Variants in GCNT2 observed in about 807,000 individuals in gnomAD.
The protein encoded by GCNT2 is N-acetyllactosaminide beta-1,6-N-acetylglucosaminyl-transferase.
Under a neutral mutation model 34.2 loss-of-function variants are expected in GCNT2, and 34 were observed. The observed-to-expected ratio is 1.00, with a 90% CI of 0.76 to 1.32. The LOEUF (loss-of-function observed/expected upper bound fraction) is 1.32, where lower values mean the gene tolerates loss of function less well. Among genes scored for constraint, GCNT2 ranks in the 40% most tolerant of loss-of-function variants. GCNT2 has a pLI of 0.00. For missense variants in GCNT2, 584 were observed against 489.4 expected (o/e 1.19, Z -1.82); for synonymous variants, 212 against 188.0 (o/e 1.13, Z -1.04).
intron 3 of GCNT2, among the ~76,000 whole-genome samples, chr6:10,606,542 T>C (rs911973262): frequency 1.3e-5 from 2 of 151,562 alleles, no homozygotes; most frequent in African/African-American, 4.9e-5. Context: ...AAGCAAGATA[T>C]TTATTGGGAT....
chr6:10,523,431 GA>G (rs34628756), intron 1 of GCNT2, among the ~76,000 whole-genome samples: 57,542 of 122,576 alleles, frequency 0.47, 11,650 homozygotes, highest in South Asian at 0.65. Flanking sequence ...CGTCTCAAAA[GA>G]AAAAAAAAAA....
At chr6:10,534,726 GGT>G (rs1431247097) in intron 3 of GCNT2, among the ~76,000 whole-genome samples, 1 of 152,150 alleles carries the variant, frequency 6.6e-6, no homozygotes, top group African/African-American at 2.4e-5. Context: ...AGTCAGGCGT[GGT>G]GGCATGCACT....
intron 3 of GCNT2, chr6:10,556,700 T>C (rs779623226): frequency 6.2e-7 from 1 of 1,614,206 alleles, no homozygotes; most frequent in South Asian, 1.1e-5. Context: ...AGAAGCTGAC[T>C]TTCCCTTGGC....
chr6:10,530,111 C>T (rs950629495), intron 3 of GCNT2: 11 of 355,912 alleles, frequency 3.1e-5, no homozygotes, highest in Non-Finnish European at 5.2e-5. Context: ...CCTGTAATCA[C>T]AGCACTTTGG....
At chr6:10,582,583 C>T (rs146556471) in intron 3 of GCNT2, among the ~76,000 whole-genome samples, 1,927 of 115,142 alleles carry the variant, frequency 0.017, 57 homozygotes, top group African/African-American at 0.053. Flanking sequence ...TATATATAAA[C>T]TATATATAAA....
intron 3 of GCNT2, chr6:10,585,998 T>C (rs757639722): frequency 1.9e-6 from 3 of 1,613,956 alleles, no homozygotes; most frequent in East Asian, 2.2e-5. Flanking sequence ...TAATGAACTT[T>C]TGGAGGTACT....
intron 3 of GCNT2, chr6:10,573,195 A>G (rs1206381861): frequency 3.1e-6 from 3 of 983,334 alleles, no homozygotes; most frequent in Non-Finnish European, 3.6e-6. Context: ...GGATTGTCAA[A>G]TAGTGTCTCT....
chr6:10,590,463 C>T (rs1465535218), intron 3 of GCNT2, among the ~76,000 whole-genome samples: 1 of 151,986 alleles, frequency 6.6e-6, no homozygotes, highest in East Asian at 1.9e-4. Context: ...CCTGGCCCCC[C>T]ACACCCTCTG....
chr6:10,609,263 T>C (rs1765452001), intron 3 of GCNT2, among the ~76,000 whole-genome samples: 1 of 152,182 alleles, frequency 6.6e-6, no homozygotes, highest in African/African-American at 2.4e-5. Flanking sequence ...CAGTGGCATC[T>C]GGTGAAGGCG....
intron 3 of GCNT2, among the ~76,000 whole-genome samples, chr6:10,560,812 A>G (rs1463262454): frequency 1.3e-5 from 2 of 151,818 alleles, no homozygotes; most frequent in Non-Finnish European, 2.9e-5. Flanking sequence ...CTCTCTCTAC[A>G]CTGTTAGAAA....
chr6:10,542,008 A>G (rs1762055704), intron 3 of GCNT2, among the ~76,000 whole-genome samples: 1 of 152,296 alleles, frequency 6.6e-6, no homozygotes. Flanking sequence ...GCCTCAACCA[A>G]CACAAAGCTT....
intron 3 of GCNT2, among the ~76,000 whole-genome samples, chr6:10,531,055 A>T (rs1220995994): frequency 6.6e-6 from 1 of 152,060 alleles, no homozygotes; most frequent in Admixed American, 6.6e-5. Flanking sequence ...AAAAAAAAAA[A>T]AAGATTTCTA....
At chr6:10,620,114 G>A (rs976743789) in intron 3 of GCNT2, among the ~76,000 whole-genome samples, 4 of 152,198 alleles carry the variant, frequency 2.6e-5, no homozygotes, top group Non-Finnish European at 5.9e-5. Flanking sequence ...CATATTCTCA[G>A]GTTCCAGGGA....
chr6:10,531,724 C>T lies in GCNT2; in HGVS notation c.925+1888C>T, dbSNP rs115385750. Among the ~76,000 whole-genome samples the T allele has an allele frequency of 7.6e-3, 1,156 of 152,132 alleles. 20 individuals carry two copies. Among genetic ancestry groups the T allele is most frequent in the African/African-American group, 0.026 (1,086 of 41,474 alleles). On this transcript the variant is annotated intron_variant, in intron 3 of 4. Transcript: ENST00000495262. ...AGCTGTTTAAATAGAATTGTAGTGT[C>T]CAGAGTAAGGGAAGTGAAAGCCTCA...
At chr6:10,522,829 C>T (rs1015510505) in intron 1 of GCNT2, among the ~76,000 whole-genome samples, 3 of 152,138 alleles carry the variant, frequency 2.0e-5, no homozygotes, top group Non-Finnish European at 4.4e-5. Context: ...GCCTCGGGCA[C>T]GGAGATTGGG....
chr6:10,588,739 A>G (rs1482943036), intron 3 of GCNT2, among the ~76,000 whole-genome samples: 1 of 148,432 alleles, frequency 6.7e-6, no homozygotes. Flanking sequence ...TGGTGTCCCA[A>G]TATGCTTGTG....
intron 3 of GCNT2, among the ~76,000 whole-genome samples, chr6:10,539,883 G>T (rs540110268): frequency 6.6e-6 from 1 of 152,186 alleles, no homozygotes; most frequent in Non-Finnish European, 1.5e-5. Flanking sequence ...CTTGAGACCA[G>T]CCTAGGCAAC....
intron 3 of GCNT2, among the ~76,000 whole-genome samples, chr6:10,582,491 A>G (rs1232944666): frequency 2.8e-5 from 3 of 106,430 alleles, no homozygotes; most frequent in Non-Finnish European, 3.9e-5. Context: ...TATATACTAT[A>G]ATATATAATA....
chr6:10,608,171 G>A lies in GCNT2; in HGVS notation c.926-13180G>A, dbSNP rs980270965. On this transcript the variant is annotated intron_variant, in intron 3 of 4. Transcript: ENST00000495262. The stretch of plus-strand genomic sequence containing the variant: ...CGGCTCACTGCAATCTCTGCCTCCC[G>A]GGTTCAAGTGATTCTCCTGCCTCAG... Among the ~76,000 whole-genome samples the A allele has an allele frequency of 4.0e-4, 60 of 149,096 alleles. 1 individual carries two copies. The highest frequency in any genetic ancestry group is 1.4e-4 in the Admixed American group (2 of 14,698).
Sources: gnomAD v4.1 joint callset for allele counts (sites outside exome capture counted in the v4.1 genomes callset) on GRCh38, gnomAD v4.1.1 for gene constraint, MANE v1.5 for transcripts, NCBI Gene and HGNC (gene_info 2026-07-23, HGNC 2026-07-21) for gene names.